Variants in CNTN5 observed in about 807,000 individuals in gnomAD.
CNTN5 encodes contactin-5.
A neutral mutation model predicts 129.1 loss-of-function variants in CNTN5; 77 were observed. That is an observed-to-expected ratio of 0.60 (90% CI 0.50 to 0.72). The LOEUF (loss-of-function observed/expected upper bound fraction) is 0.72, where lower values mean the gene tolerates loss of function less well. Among genes scored for constraint, CNTN5 ranks in the 30% least tolerant of loss-of-function variants. CNTN5 has a pLI of 0.00. For missense variants in CNTN5, 1,478 were observed against 1,328.8 expected, an observed-to-expected ratio of 1.11 and a Z score of -1.75; for synonymous variants, 509 against 465.6, an observed-to-expected ratio of 1.09 and a Z score of -1.20.
intron 2 of CNTN5, among the ~76,000 whole-genome samples, chr11:99,437,317 GT>G (rs1943638294): frequency 6.6e-6 from 1 of 152,044 alleles, no homozygotes; most frequent in Non-Finnish European, 1.5e-5. Context: ...GCCGCTTTAT[GT>G]TTCTAAGATG....
rs1950820453 is a variant in CNTN5, at chr11:99,956,994, A to C, written c.862A>C (p.Thr288Pro). 5.0e-6 allele frequency: 8 copies of C among 1,613,528 alleles called. No homozygotes were observed. Among genetic ancestry groups the C allele is most frequent in the Non-Finnish European group, 6.8e-6 (8 of 1,179,694 alleles). ...ARVLSPPTPL[T>P]LRNDGVMGEY... is the part of the protein sequence containing the mutation. ...AGTCCTTAGTCCTCCAACGCCACTCACTCTGCGTAATGATGGTAAGTTGCT... is the reference window on the plus strand; with the variant it reads ...AGTCCTTAGTCCTCCAACGCCACTCCCTCTGCGTAATGATGGTAAGTTGCT... The change falls in exon 8 of 25, where the codon ACT becomes CCT. Residue 288 changes from threonine to proline, a missense_variant. Coordinates refer to ENST00000524871, the MANE Select transcript of CNTN5 (RefSeq NM_014361.4).
chr11:99,445,303 C>T (rs1460471197), intron 2 of CNTN5, among the ~76,000 whole-genome samples: 2 of 151,696 alleles, frequency 1.3e-5, no homozygotes, highest in East Asian at 3.9e-4. Context: ...GTGTTAGTCA[C>T]ATTGGTGGCA....
chr11:99,938,755 A>G (rs974848342), intron 7 of CNTN5, among the ~76,000 whole-genome samples: 2 of 152,116 alleles, frequency 1.3e-5, no homozygotes, highest in Non-Finnish European at 2.9e-5. Context: ...AATCATTTCT[A>G]TGTAATAGTT....
chr11:100,048,645 C>T (rs1397836691), intron 9 of CNTN5, among the ~76,000 whole-genome samples: 2 of 151,708 alleles, frequency 1.3e-5, no homozygotes, highest in South Asian at 2.1e-4. Flanking sequence ...GAACATAGAG[C>T]ATTACAAACT....
At chr11:100,177,742 G>GT (rs2138436324) in intron 13 of CNTN5, among the ~76,000 whole-genome samples, 1 of 152,272 alleles carries the variant, frequency 6.6e-6, no homozygotes, top group East Asian at 1.9e-4. Context: ...TATACGTAGA[G>GT]TTTAAAGTTC....
chr11:99,427,404 C>T (rs1943167528), intron 2 of CNTN5, among the ~76,000 whole-genome samples: 2 of 152,090 alleles, frequency 1.3e-5, no homozygotes, highest in South Asian at 2.1e-4. Context: ...TTATCTCAGG[C>T]CTTCTCAAAG....
rs191106943 is a variant in CNTN5 at position 99,737,162 on chromosome 11, C to T, written c.56-82382C>T. Among the ~76,000 whole-genome samples, 226 of 151,870 alleles carry T rather than the reference C, an allele frequency of 1.5e-3. 1 individual carries two copies. Among genetic ancestry groups the T allele is most frequent in the African/African-American group, 5.1e-3 (213 of 41,398 alleles). ...ACACACAAACACACACACACACACACGCACACGCACACACAGTCTTTCAAT... is the reference window on the plus strand; with the variant it reads ...ACACACAAACACACACACACACACATGCACACGCACACACAGTCTTTCAAT... On this transcript the variant is annotated intron_variant, in intron 3 of 24. Coordinates refer to ENST00000524871, the MANE Select transcript of CNTN5 (RefSeq NM_014361.4).
chr11:99,565,152 T>A (rs1565300744), intron 3 of CNTN5, among the ~76,000 whole-genome samples: 1 of 152,142 alleles, frequency 6.6e-6, no homozygotes, highest in Non-Finnish European at 1.5e-5. Context: ...GCTGAGCACT[T>A]TCAACTTGTC....
At chr11:99,940,408 A>G (rs1950409155) in intron 7 of CNTN5, among the ~76,000 whole-genome samples, 1 of 152,210 alleles carries the variant, frequency 6.6e-6, no homozygotes, top group Non-Finnish European at 1.5e-5. Flanking sequence ...GGCATAGACC[A>G]TGAGCCTTTC....
intron 16 of CNTN5, among the ~76,000 whole-genome samples, chr11:100,227,356 G>A (rs1201508564): frequency 6.6e-6 from 1 of 152,154 alleles, no homozygotes; most frequent in East Asian, 1.9e-4. Flanking sequence ...GAGCACAGGT[G>A]TGTAGCCACA....
At chr11:99,824,301 C>T (rs1946887602) in intron 4 of CNTN5, among the ~76,000 whole-genome samples, 1 of 151,870 alleles carries the variant, frequency 6.6e-6, no homozygotes, top group Non-Finnish European at 1.5e-5. Flanking sequence ...ATTTTTTTGG[C>T]AATCTCTTGA....
chr11:99,528,675 A>T (rs1947580990), intron 2 of CNTN5, among the ~76,000 whole-genome samples: 2 of 152,328 alleles, frequency 1.3e-5, no homozygotes, highest in Admixed American at 6.5e-5. Context: ...TGTAATTCTC[A>T]TTTGTAGGCT....
intron 1 of CNTN5, among the ~76,000 whole-genome samples, chr11:99,167,409 T>C (rs1354336115): frequency 1.3e-5 from 2 of 152,200 alleles, no homozygotes; most frequent in Non-Finnish European, 2.9e-5. Flanking sequence ...TTTGCTATTA[T>C]TATCAGTGGC....
At chr11:100,322,403 T>C (rs1355529872) in intron 21 of CNTN5, among the ~76,000 whole-genome samples, 1 of 152,094 alleles carries the variant, frequency 6.6e-6, no homozygotes, top group Non-Finnish European at 1.5e-5. Context: ...TTTGTATTTT[T>C]AGTAGAGACA....
In CNTN5 at chr11:99,958,542, G is replaced by A. The variant is rs535975465; in HGVS notation, c.877+1533G>A. 2.2e-4 allele frequency among the ~76,000 whole-genome samples: 34 copies of A among 152,264 alleles called. No individual in the cohort carries two copies. The South Asian group carries it at 7.0e-3, about 32-fold the overall frequency. ...ATACATATTCCTAATACCCATAAGA[G>A]AGAGCTGGGCTACTGAAAGAGATTT... On this transcript the variant is annotated intron_variant, in intron 8 of 24. Coordinates refer to ENST00000524871, the MANE Select transcript of CNTN5 (RefSeq NM_014361.4).
chr11:100,192,536 G>A (rs900783167), intron 14 of CNTN5, among the ~76,000 whole-genome samples: 20 of 151,970 alleles, frequency 1.3e-4, no homozygotes, highest in African/African-American at 4.8e-4. Flanking sequence ...GCAAACAATA[G>A]ACCTAGAATA....
intron 3 of CNTN5, among the ~76,000 whole-genome samples, chr11:99,797,992 T>G (rs1946000085): frequency 6.6e-6 from 1 of 152,186 alleles, no homozygotes; most frequent in African/African-American, 2.4e-5. Flanking sequence ...AGGATACCTG[T>G]GCATGTTTGT....
chr11:99,553,076 A>G (rs757345892), intron 2 of CNTN5, among the ~76,000 whole-genome samples: 3 of 152,180 alleles, frequency 2.0e-5, no homozygotes, highest in Non-Finnish European at 4.4e-5. Context: ...ACTTGCAAAT[A>G]TTTGCAATAG....
At chr11:99,572,718 T>C (rs1457718826) in intron 3 of CNTN5, among the ~76,000 whole-genome samples, 1 of 151,120 alleles carries the variant, frequency 6.6e-6, no homozygotes, top group Non-Finnish European at 1.5e-5. Flanking sequence ...TCAGAAATAG[T>C]TAAAAGTTTT....
Sources: gnomAD v4.1 joint callset for allele counts (sites outside exome capture counted in the v4.1 genomes callset) on GRCh38, gnomAD v4.1.1 for gene constraint, MANE v1.5 for transcripts, NCBI Gene and HGNC (gene_info 2026-07-23, HGNC 2026-07-21) for gene names.